The following PAPPA variants were observed in gnomAD, a reference collection of about 807,000 sequenced individuals.
The protein encoded by PAPPA is pappalysin 1.
A neutral mutation model predicts 164.0 loss-of-function variants in PAPPA; 60 were observed. The ratio of observed to expected loss-of-function variants is 0.37; its 90% CI spans 0.30 to 0.45. PAPPA has a LOEUF of 0.45. Ranked by LOEUF, PAPPA falls within the 20% of genes least tolerant of loss-of-function variation. The pLI, the probability that PAPPA is intolerant of heterozygous loss-of-function variation, is 1.00. For synonymous variants in PAPPA, 875 were observed against 814.1 expected (o/e 1.07, Z -1.27); for missense variants, 1,782 against 2,087.3 (o/e 0.85, Z 2.85).
At chr9:116,342,312 T>A (rs562033487) in intron 13 of PAPPA, among the ~76,000 whole-genome samples, 12 of 152,318 alleles carry the variant, frequency 7.9e-5, no homozygotes, top group African/African-American at 2.2e-4. Flanking sequence ...CTTTGAGGTC[T>A]CCACATGGTA....
chr9:116,355,986 A>G (rs549318408), intron 17 of PAPPA, among the ~76,000 whole-genome samples: 2 of 152,322 alleles, frequency 1.3e-5, no homozygotes, highest in African/African-American at 2.4e-5. Context: ...GCCTATAAAC[A>G]TAGCAGAAAT....
intron 2 of PAPPA, among the ~76,000 whole-genome samples, chr9:116,201,715 G>A (rs1031185353): frequency 6.6e-6 from 1 of 152,198 alleles, no homozygotes; most frequent in African/African-American, 2.4e-5. Flanking sequence ...GATACCAAGT[G>A]ACAGGGTCAG....
chr9:116,281,449 C>CTT (rs1845265778), intron 9 of PAPPA, among the ~76,000 whole-genome samples: 1 of 152,124 alleles, frequency 6.6e-6, no homozygotes, highest in Non-Finnish European at 1.5e-5. Context: ...TGCCATCTAC[C>CTT]CTCGTGTCCC....
chr9:116,384,304 A>AAT (rs1274627412), intron 21 of PAPPA, among the ~76,000 whole-genome samples: 4 of 51,652 alleles, frequency 7.7e-5, no homozygotes, highest in African/African-American at 2.4e-4. Context: ...ATAATAATAA[A>AAT]GTAGCCAGGT....
chr9:116,350,590 A>C (rs1037183475), intron 15 of PAPPA, among the ~76,000 whole-genome samples: 1 of 152,248 alleles, frequency 6.6e-6, no homozygotes, highest in Non-Finnish European at 1.5e-5. Flanking sequence ...TTTACCATAT[A>C]CATAGCTAAT....
intron 19 of PAPPA, among the ~76,000 whole-genome samples, chr9:116,377,314 C>T (rs1209470986): frequency 1.3e-5 from 2 of 152,140 alleles, no homozygotes; most frequent in Admixed American, 6.6e-5. Context: ...CGTGTCTCTA[C>T]CCTCCAGTTC....
In PAPPA at chr9:116,154,346, G is replaced by A; in HGVS notation, c.174G>A (p.Ser58=). 1.4e-6 allele frequency: 1 copy of A among 696,492 alleles called. No individual in the cohort carries two copies. Among genetic ancestry groups the A allele is most frequent in the Non-Finnish European group, 1.8e-6 (1 of 569,806 alleles). 43.1% of individuals were successfully genotyped at this position (696,492 alleles called of 1,614,324 possible). ...GGGCGGCCCGCGGCCGCCGCGCCTC[G>A]CCGCCGCCGCCGCCGCCGCCGGGCG... ...ATRAARGRRA[S]PPPPPPPGGA... The change falls in exon 1 of 22, where the codon TCG becomes TCA. Residue 58 remains serine (S), a synonymous_variant. Coordinates refer to ENST00000328252, the MANE Select transcript of PAPPA (RefSeq NM_002581.5). This position sits in a 1 kb window ranked among gnomAD's most constrained non-coding sequence, Gnocchi z 5.2.
chr9:116,243,189 T>A (rs2118762707), intron 7 of PAPPA, among the ~76,000 whole-genome samples: 1 of 152,342 alleles, frequency 6.6e-6, no homozygotes, highest in South Asian at 2.1e-4. Flanking sequence ...ATTTATCAAA[T>A]GCTGATTTAG....
At chr9:116,195,138 T>C (rs534882708) in intron 2 of PAPPA, among the ~76,000 whole-genome samples, 44 of 152,090 alleles carry the variant, frequency 2.9e-4, no homozygotes, top group Non-Finnish European at 5.0e-4. Context: ...GTTTCCACCA[T>C]CTCCAGCCCT....
intron 3 of PAPPA, among the ~76,000 whole-genome samples, chr9:116,209,814 G>C (rs1279133378): frequency 6.6e-6 from 1 of 152,130 alleles, no homozygotes; most frequent in East Asian, 1.9e-4. Context: ...CATTATTGTA[G>C]CTGCTTATTT....
rs557666500 is a variant in PAPPA, at chr9:116,181,782, A to G, written c.416-5372A>G. ...AAGCTCAAGTAAGCACTCCAGATGGACAACTATGCCTGGACAAACTTTGGG... is the reference window on the plus strand; with the variant it reads ...AAGCTCAAGTAAGCACTCCAGATGGGCAACTATGCCTGGACAAACTTTGGG... On this transcript the variant is annotated intron_variant, in intron 1 of 21. Transcript: ENST00000328252. Among the ~76,000 whole-genome samples the G allele has an allele frequency of 4.9e-4, 75 of 152,368 alleles. 1 individual carries two copies. Among genetic ancestry groups the G allele is most frequent in the African/African-American group, 1.6e-3 (68 of 41,584 alleles).
Position 116,362,749 on chromosome 9 carries a change from G to A in PAPPA, c.4495+10G>A. On this transcript the variant is annotated intron_variant, in intron 18 of 21. Transcript: ENST00000328252. ...GATGGCTATGCCATAGGTATGATGG[G>A]CCCGAGAGGGGAGCAGTAGGAGGGG... is the stretch of plus-strand genomic sequence containing the variant. 6.2e-7 allele frequency: 1 copy of A among 1,609,626 alleles called. No homozygotes were observed. Among genetic ancestry groups the A allele is most frequent in the Non-Finnish European group, 8.5e-7 (1 of 1,177,660 alleles).
intron 3 of PAPPA, 119 bp from the exon 4 acceptor site, chr9:116,211,520 G>T: frequency 1.3e-6 from 1 of 791,216 alleles, no homozygotes. Context: ...TGGAGTCCTA[G>T]GGTGGAGAAG....
intron 3 of PAPPA, among the ~76,000 whole-genome samples, chr9:116,209,626 C>T (rs1178916831): frequency 6.6e-6 from 1 of 152,110 alleles, no homozygotes; most frequent in Non-Finnish European, 1.5e-5. Context: ...AGCAATGAAA[C>T]AGGACTGGGG....
At chr9:116,370,022 T>C (rs1027891968) in intron 19 of PAPPA, among the ~76,000 whole-genome samples, 6 of 152,056 alleles carry the variant, frequency 3.9e-5, no homozygotes, top group African/African-American at 1.4e-4. Flanking sequence ...GCTACAGAAA[T>C]AGAGCTGCTG....
At chr9:116,175,713 T>C (rs1329488489) in intron 1 of PAPPA, among the ~76,000 whole-genome samples, 2 of 152,126 alleles carry the variant, frequency 1.3e-5, no homozygotes, top group Non-Finnish European at 2.9e-5. Flanking sequence ...AGGGTGGTGA[T>C]ACAGGCTCTA....
At chr9:116,344,986 T>G (rs546364639) in intron 14 of PAPPA, among the ~76,000 whole-genome samples, 1 of 152,312 alleles carries the variant, frequency 6.6e-6, no homozygotes, top group South Asian at 2.1e-4. Context: ...TCCAAGACCA[T>G]GGGGCTGAGT....
At chr9:116,201,682 C>T (rs1313553636) in intron 2 of PAPPA, among the ~76,000 whole-genome samples, 4 of 152,170 alleles carry the variant, frequency 2.6e-5, no homozygotes, top group Non-Finnish European at 5.9e-5. Context: ...TTCTAATTCC[C>T]ATTTCACATG....
intron 7 of PAPPA, among the ~76,000 whole-genome samples, chr9:116,262,443 T>C (rs906966229): frequency 2.6e-5 from 4 of 152,196 alleles, no homozygotes; most frequent in Admixed American, 6.5e-5. Flanking sequence ...AAATTTTAGT[T>C]CCAAAGAAAG....
Sources: gnomAD v4.1 joint callset for allele counts (sites outside exome capture counted in the v4.1 genomes callset) on GRCh38, gnomAD v4.1.1 for gene constraint, Gnocchi (gnomAD v3.1) non-coding constraint, MANE v1.5 for transcripts, NCBI Gene and HGNC (gene_info 2026-07-23, HGNC 2026-07-21) for gene names.